IFT80: variants seen among roughly 807,000 people sequenced by gnomAD.
IFT80 encodes intraflagellar transport protein 80 homolog.
IFT80 carries 79 observed loss-of-function variants against 107.9 expected under a neutral mutation model. That is an observed-to-expected ratio of 0.73 (90% CI 0.61 to 0.88). The LOEUF is 0.88. Among genes scored for constraint, IFT80 ranks in the 40% least tolerant of loss-of-function variants. The probability of loss-of-function intolerance (pLI) is 0.00; values close to 1 mark genes in which losing one functional copy is unlikely to be tolerated. For synonymous variants in IFT80, 299 were observed against 300.9 expected, an observed-to-expected ratio of 0.99 and a Z score of 0.07; for missense variants, 797 against 914.2, an observed-to-expected ratio of 0.87 and a Z score of 1.65.
At chr3:160,320,274 C>A in intron 8 of IFT80, 1 of 197,006 alleles carries the variant, frequency 5.1e-6, no homozygotes, top group East Asian at 1.3e-4. Flanking sequence ...TCTTACTATT[C>A]ATTCCTAATA....
chr3:160,358,608 C>G (rs1721274183), intron 6 of IFT80, among the ~76,000 whole-genome samples: 1 of 152,176 alleles, frequency 6.6e-6, no homozygotes, highest in Admixed American at 6.5e-5. Context: ...TCTGCCTTGG[C>G]CTCCCAAAGT....
At chr3:160,331,819 T>A (rs1719109111) in intron 8 of IFT80, among the ~76,000 whole-genome samples, 1 of 151,930 alleles carries the variant, frequency 6.6e-6, no homozygotes, top group Admixed American at 6.6e-5. Context: ...GCCAAGACAT[T>A]GGGATTTTTA....
chr3:160,277,714 A>C, intron 16 of IFT80, 44 bp from the exon 17 acceptor site: 1 of 1,288,830 alleles, frequency 7.8e-7, no homozygotes, highest in Non-Finnish European at 1.1e-6. Flanking sequence ...ATGTGACTGA[A>C]CTGCCTTAAA....
intron 10 of IFT80, among the ~76,000 whole-genome samples, chr3:160,304,876 T>A (rs1216590458): frequency 6.6e-6 from 1 of 152,204 alleles, no homozygotes; most frequent in African/African-American, 2.4e-5. Context: ...AACAGTAATA[T>A]GATGAACATG....
At chr3:160,329,466 A>C (rs1372775422) in intron 8 of IFT80, among the ~76,000 whole-genome samples, 1 of 152,100 alleles carries the variant, frequency 6.6e-6, no homozygotes, top group Non-Finnish European at 1.5e-5. Flanking sequence ...GCACATCGAC[A>C]CAGAGAACAC....
chr3:160,367,954 T>A (rs1179884207), intron 5 of IFT80, among the ~76,000 whole-genome samples: 1 of 151,942 alleles, frequency 6.6e-6, no homozygotes, highest in Admixed American at 6.6e-5. Flanking sequence ...GGTTATGTAG[T>A]TAATCTATGA....
At chr3:160,279,872 T>A (rs1231599558) in intron 15 of IFT80, among the ~76,000 whole-genome samples, 1 of 152,184 alleles carries the variant, frequency 6.6e-6, no homozygotes, top group Non-Finnish European at 1.5e-5. Flanking sequence ...CAGTGAGCCA[T>A]GATTACACCA....
Position 160,312,896 on chromosome 3 carries a change from A to G in IFT80, c.958-5115T>C, listed in dbSNP as rs1395406400. 2.5e-4 allele frequency among the ~76,000 whole-genome samples: 7 copies of G among 28,194 alleles called. 2 individuals carry two copies. The highest frequency in any genetic ancestry group is 4.5e-4 in the Non-Finnish European group (7 of 15,470). The allele number at this position is 28,194 out of a possible 152,430, so 18.5% of individuals were successfully genotyped here. On this transcript the variant is annotated intron_variant, in intron 9 of 19. Coordinates refer to ENST00000326448, the MANE Select transcript of IFT80 (RefSeq NM_020800.3). ...ATAAATATATATTATATATAAATAT[A>G]TAATATATAATAAATATATATTATA... is the stretch of plus-strand genomic sequence containing the variant.
chr3:160,383,479 T>C (rs1712683673), intron 2 of IFT80: 1 of 956,404 alleles, frequency 1.0e-6, no homozygotes, highest in Non-Finnish European at 1.2e-6. Flanking sequence ...AGTGCTTTCC[T>C]AGTTCTGATG....
intron 13 of IFT80, 123 bp downstream of exon 13, chr3:160,285,681 T>C (rs1715037145): frequency 1.4e-6 from 1 of 705,944 alleles, no homozygotes; most frequent in Non-Finnish European, 2.4e-6. Flanking sequence ...CAATGGAGAA[T>C]GCACATTGAT....
In IFT80 at chr3:160,352,698, G is replaced by A. The variant is rs575218574; in HGVS notation, c.777+3315C>T. On this transcript the variant is annotated intron_variant, in intron 8 of 19. Coordinates refer to ENST00000326448, the MANE Select transcript of IFT80 (RefSeq NM_020800.3). ...ATGAATGCTGAAATTTAGGTAACTT[G>A]GTTTACTATCGTAATGATTGAACAG... Among the ~76,000 whole-genome samples the A allele has an allele frequency of 1.3e-3, 200 of 152,244 alleles. 1 individual carries two copies. Among genetic ancestry groups the A allele is most frequent in the African/African-American group, 4.6e-3 (192 of 41,544 alleles).
At chr3:160,298,867 G>A (rs766213804) in intron 12 of IFT80, among the ~76,000 whole-genome samples, 9 of 152,052 alleles carry the variant, frequency 5.9e-5, no homozygotes, top group Admixed American at 3.3e-4. Flanking sequence ...ACCTAACCAC[G>A]TCTAAACATA....
chr3:160,367,404 C>T (rs964701326), intron 5 of IFT80, among the ~76,000 whole-genome samples: 2 of 152,072 alleles, frequency 1.3e-5, no homozygotes, highest in African/African-American at 4.8e-5. Flanking sequence ...AATTATCATA[C>T]CTGATGCTAC....
At chr3:160,293,561 CA>C (rs1319517737) in intron 12 of IFT80, among the ~76,000 whole-genome samples, 1 of 152,100 alleles carries the variant, frequency 6.6e-6, no homozygotes, top group Non-Finnish European at 1.5e-5. Context: ...GGTCATAGGC[CA>C]GGGGGTGGTC....
In IFT80 at chr3:160,324,713, C is replaced by T. The variant is rs996330960; in HGVS notation, c.778-4774G>A. Among the ~76,000 whole-genome samples the T allele has an allele frequency of 2.6e-3, 398 of 152,242 alleles. 4 individuals are homozygous for T. Among genetic ancestry groups the T allele is most frequent in the African/African-American group, 8.7e-3 (361 of 41,544 alleles). ...AAACTGGAAGCATTCCCTTTGAAAACGGGCACAGGACAGGGATGCCCTCTC... is the reference window on the plus strand; with the variant it reads ...AAACTGGAAGCATTCCCTTTGAAAATGGGCACAGGACAGGGATGCCCTCTC... On this transcript the variant is annotated intron_variant, in intron 8 of 19. Transcript: ENST00000326448.
At chr3:160,301,823 TACCTCC>T (rs1017322422) in intron 11 of IFT80, among the ~76,000 whole-genome samples, 6 of 151,974 alleles carry the variant, frequency 3.9e-5, no homozygotes, top group African/African-American at 1.4e-4. Flanking sequence ...CTTGAGATCC[TACCTCC>T]ATAGAGATAA....
At chr3:160,262,675 A>G (rs1712952616) in intron 19 of IFT80, among the ~76,000 whole-genome samples, 1 of 152,138 alleles carries the variant, frequency 6.6e-6, no homozygotes, top group Admixed American at 6.5e-5. Flanking sequence ...CTGAGCTGAC[A>G]AGAGTTGTCT....
At chr3:160,360,977 G>T (rs1721448557) in intron 6 of IFT80, among the ~76,000 whole-genome samples, 1 of 151,994 alleles carries the variant, frequency 6.6e-6, no homozygotes, top group African/African-American at 2.4e-5. Flanking sequence ...CCCAACTAAT[G>T]GGCAAAATAA....
At position 160,377,468 on chromosome 3, in the gene IFT80, G is replaced by A. The variant is rs557375681; in HGVS notation, c.332C>T (p.Ala111Val). The A allele has an allele frequency of 7.4e-5, 119 of 1,609,440 alleles. 2 individuals carry two copies. The South Asian group carries it at 1.2e-3, about 17-fold the overall frequency. Residue 111 changes from alanine to valine, a missense_variant, in exon 4 of 20, where the codon GCA (alanine) becomes GTA (valine). Coordinates refer to ENST00000326448, the MANE Select transcript of IFT80 (RefSeq NM_020800.3). Reference sequence around the variant, plus strand: ...TGTTCCTTCATAATTCCATCTTCCTGCAAGTACTGCTCCACAGTGAGCTTC... The same window carrying A: ...TGTTCCTTCATAATTCCATCTTCCTACAAGTACTGCTCCACAGTGAGCTTC... Reference protein sequence around the residue: ...SVEAHCGAVLAGRWNYEGTAL... With the variant: ...SVEAHCGAVLVGRWNYEGTAL...
Sources: allele counts gnomAD v4.1 joint callset (sites outside exome capture counted in the v4.1 genomes callset), GRCh38; gene constraint gnomAD v4.1.1; transcripts MANE v1.5; gene names NCBI Gene and HGNC (gene_info 2026-07-23, HGNC 2026-07-21).